BRAF: variants seen among roughly 807,000 people sequenced by gnomAD.
The protein encoded by BRAF is B-Raf proto-oncogene, serine/threonine kinase.
Under a neutral mutation model 104.6 loss-of-function variants are expected in BRAF, and 16 were observed. That is an observed-to-expected ratio of 0.15 (90% CI 0.10 to 0.23). The LOEUF (loss-of-function observed/expected upper bound fraction) is 0.23. BRAF is among the 10% of genes least tolerant of loss of function. The pLI, the probability that BRAF is intolerant of heterozygous loss-of-function variation, is 1.00. For synonymous variants in BRAF, 310 were observed against 341.6 expected, an observed-to-expected ratio of 0.91 and a Z score of 1.02; for missense variants, 541 against 937.3, an observed-to-expected ratio of 0.58 and a Z score of 5.52.
At chr7:140,740,158 C>T in intron 17 of BRAF, 1 of 551,838 alleles carries the variant, frequency 1.8e-6, no homozygotes, top group Admixed American at 3.1e-5. Flanking sequence ...GATCCTTGGA[C>T]TGTGGCAAAG....
chr7:140,724,822 A>G lies in BRAF; in HGVS notation c.*1672T>C, dbSNP rs1375607407. On this transcript the variant is annotated 3_prime_UTR_variant, in exon 20 of 20. Coordinates refer to ENST00000644969, the MANE Select transcript of BRAF (RefSeq NM_001374258.1). Reference sequence around the variant, plus strand: ...ATTTGTGTTCCTAAATTCTGAGTCTAGATTCCTGATAAGGGAGGTTTTCCA... The same window carrying G: ...ATTTGTGTTCCTAAATTCTGAGTCTGGATTCCTGATAAGGGAGGTTTTCCA... 1.9e-6 allele frequency: 2 copies of G among 1,037,484 alleles called. No individual in the cohort carries two copies. Among genetic ancestry groups the G allele is most frequent in the African/African-American group, 3.4e-5 (2 of 59,474 alleles). 64.3% of individuals were successfully genotyped at this position (1,037,484 alleles called of 1,614,324 possible).
intron 3 of BRAF, 129 bp downstream of exon 3, chr7:140,834,480 C>A: frequency 7.9e-7 from 1 of 1,265,530 alleles, no homozygotes. Flanking sequence ...ATTTTTCATT[C>A]CTGTATGACA....
intron 12 of BRAF, 40 bp from the exon 12 acceptor site, chr7:140,778,115 T>A (rs780003206): frequency 6.3e-7 from 1 of 1,588,516 alleles, no homozygotes; most frequent in Admixed American, 1.7e-5. Flanking sequence ...TTTCAATTTT[T>A]AAAATTTAAA....
At chr7:140,865,417 C>A (rs985912891) in intron 1 of BRAF, among the ~76,000 whole-genome samples, 1 of 152,134 alleles carries the variant, frequency 6.6e-6, no homozygotes, top group Non-Finnish European at 1.5e-5. Flanking sequence ...GAAGAAGCAG[C>A]TGCACTGCCA....
intron 17 of BRAF, chr7:140,741,547 ATTTACTGCC>A (rs947141932): frequency 6.6e-6 from 1 of 152,184 alleles, no homozygotes; most frequent in Admixed American, 6.5e-5. Context: ...TGTGATGATC[ATTTACTGCC>A]TTGTATGGTT....
chr7:140,756,959 AAATTAAAAGC>A (rs1434539430), intron 14 of BRAF, among the ~76,000 whole-genome samples: 1 of 152,184 alleles, frequency 6.6e-6, no homozygotes, highest in African/African-American at 2.4e-5. Context: ...GTGGTGCCCC[AAATTAAAAGC>A]AATACTTCAG....
At chr7:140,729,469 ACTCT>A (rs946575260) in intron 19 of BRAF, among the ~76,000 whole-genome samples, 11 of 151,960 alleles carry the variant, frequency 7.2e-5, no homozygotes, top group African/African-American at 7.2e-5. Flanking sequence ...ACATGGCGAA[ACTCT>A]CTCTCTACTA....
intron 14 of BRAF, among the ~76,000 whole-genome samples, chr7:140,756,931 A>G (rs1372926986): frequency 1.3e-5 from 2 of 152,200 alleles, no homozygotes; most frequent in Non-Finnish European, 2.9e-5. Context: ...GCTTTTCCAC[A>G]TTCTTACAGA....
At chr7:140,892,873 A>G (rs528670944) in intron 1 of BRAF, among the ~76,000 whole-genome samples, 15 of 152,224 alleles carry the variant, frequency 9.9e-5, no homozygotes, top group Admixed American at 9.8e-4. Context: ...AGAACTGATC[A>G]CTTTTAATTT....
At chr7:140,764,397 A>G (rs1259606736) in intron 14 of BRAF, among the ~76,000 whole-genome samples, 11 of 150,768 alleles carry the variant, frequency 7.3e-5, no homozygotes, top group Non-Finnish European at 1.3e-4. Flanking sequence ...CAAGACAGGG[A>G]TGCCCTCTCT....
chr7:140,821,705 C>T (rs1422307906), intron 3 of BRAF, among the ~76,000 whole-genome samples: 1 of 152,038 alleles, frequency 6.6e-6, no homozygotes, highest in Non-Finnish European at 1.5e-5. Context: ...ATAGAACTAC[C>T]ATTCGACCCA....
chr7:140,915,122 C>A (rs1268221589), intron 1 of BRAF, among the ~76,000 whole-genome samples: 1 of 150,602 alleles, frequency 6.6e-6, no homozygotes. Flanking sequence ...CCAATAATCC[C>A]CTTTAATATT....
intron 1 of BRAF, among the ~76,000 whole-genome samples, chr7:140,907,027 C>A (rs963861775): frequency 3.9e-5 from 6 of 152,206 alleles, no homozygotes; most frequent in African/African-American, 1.4e-4. Context: ...TTTCTCCTCT[C>A]TTTCCAGAGC....
At chr7:140,758,384 T>C (rs1380694018) in intron 14 of BRAF, 1 of 152,194 alleles carries the variant, frequency 6.6e-6, no homozygotes, top group Non-Finnish European at 1.5e-5. Context: ...ATCGAATAGG[T>C]AAAGTTCACA....
intron 1 of BRAF, among the ~76,000 whole-genome samples, chr7:140,895,553 T>C (rs1814783301): frequency 6.6e-6 from 1 of 152,204 alleles, no homozygotes; most frequent in Non-Finnish European, 1.5e-5. Context: ...TTTGTATCCA[T>C]GAATAAATCT....
intron 5 of BRAF, among the ~76,000 whole-genome samples, chr7:140,803,441 A>G (rs1470241727): frequency 6.6e-6 from 1 of 152,234 alleles, no homozygotes; most frequent in African/African-American, 2.4e-5. Flanking sequence ...ATAATGGTTA[A>G]CTTTGGATAA....
intron 3 of BRAF, chr7:140,823,477 T>C (rs1464989444): frequency 1.4e-5 from 2 of 138,432 alleles, no homozygotes; most frequent in Non-Finnish European, 3.0e-5. Flanking sequence ...TTACTCATGT[T>C]GTAGTATGTG....
At chr7:140,826,940 TG>T (rs1297623112) in intron 3 of BRAF, among the ~76,000 whole-genome samples, 1 of 152,202 alleles carries the variant, frequency 6.6e-6, no homozygotes, top group Non-Finnish European at 1.5e-5. Flanking sequence ...CACTTGGTCT[TG>T]TACAGTGTGG....
intron 8 of BRAF, 69 bp downstream of exon 8, chr7:140,794,239 A>G: frequency 6.4e-7 from 1 of 1,561,954 alleles, no homozygotes; most frequent in African/African-American, 1.4e-5. Flanking sequence ...GATCTAAGTT[A>G]TAATTATAGC....
Sources: gnomAD v4.1 joint callset for allele counts (sites outside exome capture counted in the v4.1 genomes callset) on GRCh38, gnomAD v4.1.1 for gene constraint, MANE v1.5 for transcripts, NCBI Gene and HGNC (gene_info 2026-07-23, HGNC 2026-07-21) for gene names.